The following SCAPER variants were observed in gnomAD, a reference collection of about 807,000 sequenced individuals.
SCAPER encodes the protein S-phase cyclin A associated protein in the ER.
Under a neutral mutation model 182.2 loss-of-function variants are expected in SCAPER, and 98 were observed. The ratio of observed to expected loss-of-function variants is 0.54; its 90% CI spans 0.46 to 0.64. The LOEUF is 0.64. Among genes scored for constraint, SCAPER ranks in the 30% least tolerant of loss-of-function variants. SCAPER has a pLI of 0.00. For synonymous variants in SCAPER, 605 were observed against 564.6 expected (o/e 1.07, Z -1.01); for missense variants, 1,432 against 1,690.0 (o/e 0.85, Z 2.68).
intron 21 of SCAPER, among the ~76,000 whole-genome samples, chr15:76,659,633 A>G (rs1477119407): frequency 3.3e-5 from 5 of 152,224 alleles, no homozygotes; most frequent in Admixed American, 2.6e-4. Context: ...AATGTTTAAC[A>G]TCACTATTCA....
At chr15:76,450,938 G>A (rs780431316) in intron 25 of SCAPER, among the ~76,000 whole-genome samples, 4 of 152,108 alleles carry the variant, frequency 2.6e-5, no homozygotes, top group Non-Finnish European at 5.9e-5. Context: ...ACATATACGC[G>A]TCTATGTAAG....
intron 27 of SCAPER, among the ~76,000 whole-genome samples, chr15:76,403,040 T>C (rs935562448): frequency 6.6e-6 from 1 of 152,160 alleles, no homozygotes; most frequent in East Asian, 1.9e-4. Flanking sequence ...AAAATACAGG[T>C]GACACAGACT....
rs532278465 is a variant in SCAPER at position 76,603,111 on chromosome 15, T to A, written c.2711+18653A>T. Among the ~76,000 whole-genome samples the A allele has an allele frequency of 8.5e-5, 10 of 118,310 alleles. 4 individuals carry two copies. The South Asian group carries it at 2.7e-3, about 31-fold the overall frequency. 77.6% of individuals were successfully genotyped at this position (118,310 alleles called of 152,430 possible). On this transcript the variant is annotated intron_variant, in intron 22 of 31. Transcript: ENST00000563290. ...CAGGTTAGTTACATATGTATACATG[T>A]GCCACGTTGGTGTGCTGCACCCATT... is the stretch of plus-strand genomic sequence containing the variant.
At chr15:76,793,339 G>A (rs1018763605) in intron 8 of SCAPER, 2 of 711,794 alleles carry the variant, frequency 2.8e-6, no homozygotes, top group Non-Finnish European at 5.1e-6. Flanking sequence ...GTATGCTAAT[G>A]AGTTGACAAG....
chr15:76,486,524 C>A lies in SCAPER; in HGVS notation c.2955-15189G>T, dbSNP rs559210458. Among the ~76,000 whole-genome samples, 480 of 151,164 alleles carry A rather than the reference C, an allele frequency of 3.2e-3. 4 individuals carry two copies. Among genetic ancestry groups the A allele is most frequent in the African/African-American group, 0.011 (451 of 40,850 alleles). The stretch of plus-strand genomic sequence containing the variant: ...AAATCAATTTATAATAAAAAAAAAA[C>A]CCCATTAAAAAGTAGGCGAAGGACA... On this transcript the variant is annotated intron_variant, in intron 24 of 31. Transcript: ENST00000563290.
At position 76,599,127 on chromosome 15, in the gene SCAPER, A is replaced by G. The variant is rs114728905; in HGVS notation, c.2711+22637T>C. Among the ~76,000 whole-genome samples, 152 of 121,232 alleles carry G rather than the reference A, an allele frequency of 1.3e-3. 18 individuals carry two copies. The highest frequency in any genetic ancestry group is 3.6e-3 in the African/African-American group (143 of 39,856). The allele number at this position is 121,232 out of a possible 152,430, so 79.5% of individuals were successfully genotyped here. A position where few individuals can be genotyped will look rare whatever the true frequency, so the allele number is the denominator to read the frequency against. On this transcript the variant is annotated intron_variant, in intron 22 of 31. Transcript: ENST00000563290. ...CAAAATATCTGAATAGACACTTGCC[A>G]TAAGAAGAAATAAATGGCTTATACA...
At chr15:76,876,587 T>C (rs1342789499) in intron 2 of SCAPER, among the ~76,000 whole-genome samples, 1 of 152,182 alleles carries the variant, frequency 6.6e-6, no homozygotes, top group Non-Finnish European at 1.5e-5. Flanking sequence ...AATCAATGAA[T>C]ATAATTCACA....
chr15:76,818,921 G>T (rs368453979), intron 5 of SCAPER, among the ~76,000 whole-genome samples: 1 of 152,216 alleles, frequency 6.6e-6, no homozygotes, highest in African/African-American at 2.4e-5. Flanking sequence ...CTTAACAAAC[G>T]GCACACCAGG....
intron 24 of SCAPER, among the ~76,000 whole-genome samples, chr15:76,502,379 A>C (rs966779370): frequency 3.9e-5 from 6 of 152,198 alleles, no homozygotes; most frequent in Non-Finnish European, 5.9e-5. Flanking sequence ...ACACCGTGGA[A>C]TACTATGCAG....
intron 17 of SCAPER, among the ~76,000 whole-genome samples, chr15:76,707,223 CA>C: frequency 6.6e-6 from 1 of 151,794 alleles, no homozygotes; most frequent in African/African-American, 2.4e-5. Context: ...TAAAGGAGAA[CA>C]AAAAAGACTT....
At chr15:76,369,481 G>C (rs527683926) in intron 29 of SCAPER, among the ~76,000 whole-genome samples, 6 of 152,092 alleles carry the variant, frequency 3.9e-5, no homozygotes, top group Admixed American at 1.3e-4. Flanking sequence ...GCCAATTCTC[G>C]CTTGACAATT....
At chr15:76,901,921 G>A (rs187582683) in intron 1 of SCAPER, among the ~76,000 whole-genome samples, 101 of 152,154 alleles carry the variant, frequency 6.6e-4, no homozygotes, top group Middle Eastern at 6.8e-3. Context: ...GGGTTTCACC[G>A]TGTTAGCCAG....
chr15:76,559,969 T>A (rs1232191671), intron 23 of SCAPER, among the ~76,000 whole-genome samples: 4 of 152,204 alleles, frequency 2.6e-5, no homozygotes, highest in African/African-American at 9.6e-5. Context: ...TGTTTACTAC[T>A]TTGTAAAGAA....
intron 25 of SCAPER, among the ~76,000 whole-genome samples, chr15:76,438,677 G>A (rs1240335417): frequency 6.6e-6 from 1 of 152,152 alleles, no homozygotes; most frequent in Admixed American, 6.5e-5. Context: ...CCAAATCCTA[G>A]GATCTCAGGC....
intron 23 of SCAPER, among the ~76,000 whole-genome samples, chr15:76,563,093 AAATT>A (rs1269261206): frequency 6.6e-6 from 1 of 152,192 alleles, no homozygotes; most frequent in African/African-American, 2.4e-5. Flanking sequence ...CTTAAAAGTC[AAATT>A]AATAGTTTAT....
intron 26 of SCAPER, among the ~76,000 whole-genome samples, chr15:76,415,406 C>T (rs572053155): frequency 1.3e-5 from 2 of 152,184 alleles, no homozygotes; most frequent in South Asian, 4.1e-4. Flanking sequence ...CAGAAAAAGA[C>T]TTTTATAAAG....
intron 22 of SCAPER, among the ~76,000 whole-genome samples, chr15:76,607,766 T>C (rs2050576156): frequency 6.6e-6 from 1 of 151,996 alleles, no homozygotes; most frequent in Non-Finnish European, 1.5e-5. Flanking sequence ...TTTCATTCAT[T>C]TTGTCTTCCA....
At chr15:76,663,932 T>C (rs891143394) in intron 21 of SCAPER, among the ~76,000 whole-genome samples, 1 of 152,074 alleles carries the variant, frequency 6.6e-6, no homozygotes, top group Non-Finnish European at 1.5e-5. Flanking sequence ...TATTAGAAGA[T>C]AAAACTATTT....
chr15:76,671,123 C>G (rs1050701410), intron 20 of SCAPER, among the ~76,000 whole-genome samples: 1 of 151,164 alleles, frequency 6.6e-6, no homozygotes, highest in Non-Finnish European at 1.5e-5. Flanking sequence ...GGTGGATCGT[C>G]GAGCCCAGGA....
Sources: allele counts gnomAD v4.1 joint callset (sites outside exome capture counted in the v4.1 genomes callset), GRCh38; gene constraint gnomAD v4.1.1; transcripts MANE v1.5; gene names NCBI Gene and HGNC (gene_info 2026-07-23, HGNC 2026-07-21).